The following MYRIP variants were observed in gnomAD, a reference collection of about 807,000 sequenced individuals.
MYRIP encodes rab effector MyRIP.
MYRIP carries 49 observed loss-of-function variants against 98.0 expected under a neutral mutation model. The ratio of observed to expected loss-of-function variants is 0.50; its 90% confidence interval spans 0.40 to 0.63. The LOEUF (loss-of-function observed/expected upper bound fraction) is 0.63. Among genes scored for constraint, MYRIP ranks in the 30% least tolerant of loss-of-function variants. The probability of loss-of-function intolerance (pLI) is 0.00; values close to 1 mark genes in which losing one functional copy is unlikely to be tolerated. For missense variants in MYRIP, 1,004 were observed against 1,058.2 expected, an observed-to-expected ratio of 0.95 and a Z score of 0.71; for synonymous variants, 404 against 409.5, an observed-to-expected ratio of 0.99 and a Z score of 0.16.
intron 3 of MYRIP, among the ~76,000 whole-genome samples, chr3:40,047,420 C>T (rs1286368730): frequency 1.3e-5 from 2 of 152,114 alleles, no homozygotes; most frequent in Non-Finnish European, 2.9e-5. Flanking sequence ...AGCCAGTGTA[C>T]CCTTGTTCCA....
At chr3:39,857,251 G>GGAAGGAAGGA (rs1553639779) in intron 1 of MYRIP, among the ~76,000 whole-genome samples, 1 of 46,260 alleles carries the variant, frequency 2.2e-5, no homozygotes, top group African/African-American at 2.2e-4. Flanking sequence ...AGGAGGGAGG[G>GGAAGGAAGGA]AGGGAGGAAG....
chr3:40,071,437 A>G (rs1455577362), intron 3 of MYRIP, among the ~76,000 whole-genome samples: 3 of 152,202 alleles, frequency 2.0e-5, no homozygotes, highest in African/African-American at 7.2e-5. Flanking sequence ...AGAATGGGGT[A>G]AAAGCTGGGA....
At chr3:39,976,911 G>C (rs1945768066) in intron 2 of MYRIP, among the ~76,000 whole-genome samples, 1 of 152,062 alleles carries the variant, frequency 6.6e-6, no homozygotes, top group African/African-American at 2.4e-5. Context: ...GGAGGGGAGT[G>C]GGGAGGGATA....
At chr3:40,140,660 T>C (rs1052995510) in intron 3 of MYRIP, among the ~76,000 whole-genome samples, 1 of 152,200 alleles carries the variant, frequency 6.6e-6, no homozygotes, top group African/African-American at 2.4e-5. Flanking sequence ...GACATGCTAA[T>C]TGGGGTGAGA....
At chr3:40,160,578 C>T (rs888464603) in intron 4 of MYRIP, among the ~76,000 whole-genome samples, 22 of 152,088 alleles carry the variant, frequency 1.4e-4, no homozygotes, top group Non-Finnish European at 2.9e-4. Flanking sequence ...CAATGGCGGG[C>T]GCCCCTCCCC....
rs924751385 is a variant in MYRIP, at chr3:39,889,563, A to T, written c.-30-11224A>T. Among the ~76,000 whole-genome samples, 8 of 152,170 alleles carry T rather than the reference A, an allele frequency of 5.3e-5. No individual in the cohort carries two copies. The South Asian group carries it at 8.3e-4, about 16-fold the overall frequency. The stretch of plus-strand genomic sequence containing the variant: ...GGTAGGGAGGAGGGATAGCATTGGG[A>T]GATATACCTAATGCTAGATGACGAG... On this transcript the variant is annotated intron_variant, in intron 1 of 16. Transcript: ENST00000302541.
intron 4 of MYRIP, among the ~76,000 whole-genome samples, chr3:40,151,421 C>T (rs1264856876): frequency 1.3e-5 from 2 of 152,200 alleles, no homozygotes; most frequent in African/African-American, 4.8e-5. Context: ...GCTATGAAGA[C>T]CAAGTACTTC....
intron 3 of MYRIP, among the ~76,000 whole-genome samples, chr3:40,126,557 G>C (rs1318252281): frequency 6.6e-6 from 1 of 152,158 alleles, no homozygotes. Context: ...ATGTGTTTAT[G>C]TCATTTAATC....
intron 1 of MYRIP, among the ~76,000 whole-genome samples, chr3:39,849,560 G>C (rs1285284762): frequency 1.3e-5 from 2 of 152,172 alleles, no homozygotes; most frequent in Non-Finnish European, 2.9e-5. Context: ...GGCATGTCAT[G>C]GTGATCACAC....
chr3:40,051,481 T>G (rs1947792680), intron 3 of MYRIP, among the ~76,000 whole-genome samples: 1 of 152,154 alleles, frequency 6.6e-6, no homozygotes, highest in East Asian at 1.9e-4. Context: ...TGCACAACAT[T>G]TAATAGACTA....
At chr3:40,220,211 G>C (rs1165689590) in intron 11 of MYRIP, among the ~76,000 whole-genome samples, 1 of 152,024 alleles carries the variant, frequency 6.6e-6, no homozygotes, top group Non-Finnish European at 1.5e-5. Flanking sequence ...ATTTGTTTGA[G>C]TTCATTGTAG....
rs970787327 is a variant in MYRIP, at chr3:39,935,838, C to A, written c.110+34912C>A. Among the ~76,000 whole-genome samples the A allele has an allele frequency of 1.8e-4, 27 of 152,184 alleles. No homozygotes were observed. In the Middle Eastern group the frequency reaches 0.02, roughly 115 times the overall value. The stretch of plus-strand genomic sequence containing the variant: ...TTGGGAGAGAAATGGCCACTATTGC[C>A]ATGTTGTAAGTATGTGTTTCTAGCC... On this transcript the variant is annotated intron_variant, in intron 2 of 16. Coordinates refer to ENST00000302541, the MANE Select transcript of MYRIP (RefSeq NM_015460.4).
At chr3:39,897,217 G>C (rs1360932816) in intron 1 of MYRIP, among the ~76,000 whole-genome samples, 1 of 152,176 alleles carries the variant, frequency 6.6e-6, no homozygotes, top group African/African-American at 2.4e-5. Flanking sequence ...ATATATGTTT[G>C]AGAAACACAG....
At chr3:39,905,833 C>G (rs1299860390) in intron 2 of MYRIP, among the ~76,000 whole-genome samples, 1 of 152,080 alleles carries the variant, frequency 6.6e-6, no homozygotes, top group Non-Finnish European at 1.5e-5. Context: ...TGTTCTTTTC[C>G]TTTTCTCTTT....
chr3:40,162,005 T>G (rs1304240475), intron 4 of MYRIP, among the ~76,000 whole-genome samples: 2 of 152,096 alleles, frequency 1.3e-5, no homozygotes, highest in African/African-American at 4.8e-5. Flanking sequence ...TGCCTCTCAT[T>G]TAGGCCTTCA....
At position 40,250,326 on chromosome 3, in the gene MYRIP, G is replaced by A; in HGVS notation, c.2367G>A (p.Gln789=). Residue 789 remains glutamine (Q), a splice_region_variant and synonymous_variant, in exon 14 of 17, where the codon CAG becomes CAA. Transcript: ENST00000302541. ...TRRRDQKQRT[Q]VQTIDTSRQQ... ...GACGGGATCAGAAGCAAAGGACCCA[G>A]GTGTGTTTGTCCCTTTCTCCCTCTG... 6.2e-7 allele frequency: 1 copy of A among 1,613,692 alleles called. No individual in the cohort carries two copies. The highest frequency in any genetic ancestry group is 1.1e-5 in the South Asian group (1 of 91,066).
At chr3:40,006,085 C>A (rs1946627353) in intron 2 of MYRIP, among the ~76,000 whole-genome samples, 1 of 152,008 alleles carries the variant, frequency 6.6e-6, no homozygotes, top group Admixed American at 6.6e-5. Flanking sequence ...TTGGCATTTT[C>A]AAAGAAAAGA....
At chr3:40,226,968 C>T (rs987888764) in intron 11 of MYRIP, among the ~76,000 whole-genome samples, 1 of 152,202 alleles carries the variant, frequency 6.6e-6, no homozygotes, top group African/African-American at 2.4e-5. Flanking sequence ...CAGCAGCTTT[C>T]TTGTGCTTCC....
At chr3:40,143,990 G>GT (rs1949962341) in intron 3 of MYRIP, among the ~76,000 whole-genome samples, 2 of 152,174 alleles carry the variant, frequency 1.3e-5, no homozygotes, top group Non-Finnish European at 2.9e-5. Context: ...ATGCTATAGA[G>GT]TTTTGGTATA....
Sources: allele counts gnomAD v4.1 joint callset (sites outside exome capture counted in the v4.1 genomes callset), GRCh38; gene constraint gnomAD v4.1.1; transcripts MANE v1.5; gene names NCBI Gene and HGNC (gene_info 2026-07-23, HGNC 2026-07-21).